Variants in RFTN1 observed in about 807,000 individuals in gnomAD.
RFTN1 encodes the protein raftlin.
Under a neutral mutation model 46.5 loss-of-function variants are expected in RFTN1, and 26 were observed. The observed-to-expected ratio is 0.56, with a 90% CI of 0.41 to 0.78. The LOEUF (loss-of-function observed/expected upper bound fraction) is 0.78. RFTN1 is among the 30% of genes least tolerant of loss of function. The pLI, the probability that RFTN1 is intolerant of heterozygous loss-of-function variation, is 0.00. For synonymous variants in RFTN1, 261 were observed against 284.2 expected, an observed-to-expected ratio of 0.92 and a Z score of 0.82; for missense variants, 693 against 718.7, an observed-to-expected ratio of 0.96 and a Z score of 0.41.
intron 4 of RFTN1, among the ~76,000 whole-genome samples, chr3:16,391,876 TTTTTTGTTTTTTTTTTTG>T (rs1485265661): frequency 0.024 from 631 of 25,820 alleles, 93 homozygotes; most frequent in Admixed American, 0.053. Flanking sequence ...TTTGTTTTTT[TTTTTTGTTTTTTTTTTTG>T]TTTTTTTTAC....
At chr3:16,319,378 A>C (rs571706141) in intron 9 of RFTN1, among the ~76,000 whole-genome samples, 1 of 152,122 alleles carries the variant, frequency 6.6e-6, no homozygotes, top group Non-Finnish European at 1.5e-5. Flanking sequence ...TAGTGCTGGC[A>C]CTCATTAGCT....
chr3:16,446,434 C>T lies in RFTN1; in HGVS notation c.146-12397G>A, dbSNP rs187488479. ...GGAAATCTTCATCGGCCTCATCTCTCGGTCCACGTCCAACAAGCAGAAGGG... is the reference window on the plus strand; with the variant it reads ...GGAAATCTTCATCGGCCTCATCTCTTGGTCCACGTCCAACAAGCAGAAGGG... On this transcript the variant is annotated intron_variant, in intron 2 of 9. Coordinates refer to ENST00000334133, the MANE Select transcript of RFTN1 (RefSeq NM_015150.2). The surrounding 1 kb of genome is among the most constrained non-coding windows in gnomAD (Gnocchi z 4.5). Among the ~76,000 whole-genome samples the T allele has an allele frequency of 1.5e-4, 23 of 152,156 alleles. No individual in the cohort carries two copies. The highest frequency in any genetic ancestry group is 4.3e-4 in the African/African-American group (18 of 41,524).
At position 16,470,638 on chromosome 3, in the gene RFTN1, C is replaced by T. The variant is rs535713496; in HGVS notation, c.145+23087G>A. On this transcript the variant is annotated intron_variant, in intron 2 of 9. Coordinates refer to ENST00000334133, the MANE Select transcript of RFTN1 (RefSeq NM_015150.2). ...TGCACGAGGTACTCCCTAAGCAACC[C>T]AGCTAAGGCTAAAAGAACAAATTTC... Among the ~76,000 whole-genome samples the T allele has an allele frequency of 6.6e-5, 10 of 152,196 alleles. 1 individual carries two copies. The highest frequency in any genetic ancestry group is 6.5e-4 in the Admixed American group (10 of 15,282).
At chr3:16,406,953 AAAGTT>A (rs770947557) in intron 4 of RFTN1, among the ~76,000 whole-genome samples, 3 of 152,228 alleles carry the variant, frequency 2.0e-5, no homozygotes, top group Non-Finnish European at 4.4e-5. Context: ...TGCTGGCATA[AAAGTT>A]AAGATAAAAA....
Position 16,337,352 on chromosome 3 carries a change from CA to C in RFTN1, c.1147-10477del, listed in dbSNP as rs1422070323. 6.6e-6 allele frequency: 1 copy of C among 152,206 alleles called. No individual in the cohort carries two copies. Among genetic ancestry groups the C allele is most frequent in the Non-Finnish European group, 1.5e-5 (1 of 68,046 alleles). The allele number at this position is 152,206 out of a possible 1,614,324, so 9.4% of individuals were successfully genotyped here. A position where few individuals can be genotyped will look rare whatever the true frequency, so the allele number is the denominator to read the frequency against. On this transcript the variant is annotated intron_variant, in intron 7 of 9. Coordinates refer to ENST00000334133, the MANE Select transcript of RFTN1 (RefSeq NM_015150.2). The surrounding 1 kb of genome is among the most constrained non-coding windows in gnomAD (Gnocchi z 5.0). Reference sequence around the variant, plus strand: ...CACTAAGCTTTGGGGAGCTTTATTACACAGCAGAAGCTAACTGGTGTATTAC... The same window carrying C: ...CACTAAGCTTTGGGGAGCTTTATTACCAGCAGAAGCTAACTGGTGTATTAC...
chr3:16,501,870 C>T (rs1428867399), intron 1 of RFTN1, among the ~76,000 whole-genome samples: 9 of 152,138 alleles, frequency 5.9e-5, no homozygotes, highest in East Asian at 1.9e-4. Context: ...AAAATGTACC[C>T]GTCGAAAGTG....
chr3:16,486,439 T>C (rs1194871929), intron 2 of RFTN1, among the ~76,000 whole-genome samples: 9 of 152,160 alleles, frequency 5.9e-5, no homozygotes, highest in Non-Finnish European at 1.2e-4. Context: ...CCAAAGAACA[T>C]GCTCCAACCA....
Position 16,346,720 on chromosome 3 carries a change from A to G in RFTN1, c.1146+11212T>C, listed in dbSNP as rs2071745952. On this transcript the variant is annotated intron_variant, in intron 7 of 9. Coordinates refer to ENST00000334133, the MANE Select transcript of RFTN1 (RefSeq NM_015150.2). This position sits in a 1 kb window ranked among gnomAD's most constrained non-coding sequence, Gnocchi z 4.4. ...TGGGAAAGCTTTTACTTGCTAATAA[A>G]AAGGGACGTGTGGCAGGAAAAAACT... Among the ~76,000 whole-genome samples the G allele has an allele frequency of 6.6e-6, 1 of 152,216 alleles. No individual in the cohort carries two copies. The highest frequency in any genetic ancestry group is 2.4e-5 in the African/African-American group (1 of 41,456).
At chr3:16,331,630 C>G (rs1224532159) in intron 7 of RFTN1, among the ~76,000 whole-genome samples, 3 of 152,212 alleles carry the variant, frequency 2.0e-5, no homozygotes, top group Non-Finnish European at 2.9e-5. Context: ...ATAAATATTC[C>G]AAGATCCTAA....
rs2076224986 is a variant in RFTN1 at position 16,473,124 on chromosome 3, A to G, written c.145+20601T>C. 6.6e-6 allele frequency among the ~76,000 whole-genome samples: 1 copy of G among 152,236 alleles called. No individual in the cohort carries two copies. The highest frequency in any genetic ancestry group is 2.4e-5 in the African/African-American group (1 of 41,456). On this transcript the variant is annotated intron_variant, in intron 2 of 9. Transcript: ENST00000334133. The surrounding 1 kb of genome is among the most constrained non-coding windows in gnomAD (Gnocchi z 5.3). ...GACTTTGGACAACCATGGTGTACAC[A>G]CACGTACACACATACACAAACAGTA...
At chr3:16,395,701 T>C (rs555076853) in intron 4 of RFTN1, among the ~76,000 whole-genome samples, 6 of 152,292 alleles carry the variant, frequency 3.9e-5, no homozygotes, top group African/African-American at 1.4e-4. Flanking sequence ...CTCCTGCCTC[T>C]AATTTTAATT....
chr3:16,491,158 G>A (rs1214868816), intron 2 of RFTN1, among the ~76,000 whole-genome samples: 1 of 152,122 alleles, frequency 6.6e-6, no homozygotes, highest in Non-Finnish European at 1.5e-5. Context: ...TGGGGAGAAG[G>A]TAGAAATTTT....
rs2076079586 is a variant in RFTN1, at chr3:16,465,718, C to T, written c.145+28007G>A. Among the ~76,000 whole-genome samples the T allele has an allele frequency of 6.6e-6, 1 of 152,180 alleles. No homozygotes were observed. Among genetic ancestry groups the T allele is most frequent in the Non-Finnish European group, 1.5e-5 (1 of 68,028 alleles). On this transcript the variant is annotated intron_variant, in intron 2 of 9. Transcript: ENST00000334133. The surrounding 1 kb of genome is among the most constrained non-coding windows in gnomAD (Gnocchi z 5.1). ...CACCAAAAAGACCTGCTGGGGACAG[C>T]TAATCTTTTTCTTTTCACTATACCT...
Position 16,436,089 on chromosome 3 carries a change from T to A in RFTN1, c.146-2052A>T, listed in dbSNP as rs1046353525. Among the ~76,000 whole-genome samples the A allele has an allele frequency of 4.6e-5, 7 of 151,604 alleles. No individual in the cohort carries two copies. The South Asian group carries it at 6.2e-4, about 14-fold the overall frequency. The stretch of plus-strand genomic sequence containing the variant: ...ACAATTCTCAGTGGAAAAAAAAAGA[T>A]CCCTGTGACATGGTAACTTATATTT... On this transcript the variant is annotated intron_variant, in intron 2 of 9. Coordinates refer to ENST00000334133, the MANE Select transcript of RFTN1 (RefSeq NM_015150.2).
chr3:16,440,278 C>T lies in RFTN1; in HGVS notation c.146-6241G>A, dbSNP rs557429127. The stretch of plus-strand genomic sequence containing the variant: ...CTCCCACACTGCCACAATCTTGGCT[C>T]ACTGAAACCTCCGCCTTCTGGACTC... On this transcript the variant is annotated intron_variant, in intron 2 of 9. Coordinates refer to ENST00000334133, the MANE Select transcript of RFTN1 (RefSeq NM_015150.2). The surrounding 1 kb of genome is among the most constrained non-coding windows in gnomAD (Gnocchi z 4.6). 4.7e-3 allele frequency among the ~76,000 whole-genome samples: 719 copies of T among 152,334 alleles called. 1 individual carries two copies. The highest frequency in any genetic ancestry group is 7.8e-3 in the Non-Finnish European group (532 of 68,026).
rs2076867741 is a variant in RFTN1, at chr3:16,509,797, G to A, written c.-9+3645C>T. Among the ~76,000 whole-genome samples the A allele has an allele frequency of 6.6e-6, 1 of 152,136 alleles. No individual in the cohort carries two copies. Among genetic ancestry groups the A allele is most frequent in the Non-Finnish European group, 1.5e-5 (1 of 68,026 alleles). On this transcript the variant is annotated intron_variant, in intron 1 of 9. Transcript: ENST00000334133. The surrounding 1 kb of genome is among the most constrained non-coding windows in gnomAD (Gnocchi z 4.9). ...CGAGTCACGAAATCACTCAGCCAAT[G>A]TTTACTGTGTCCCTACCCTCTGGCA...
At position 16,489,125 on chromosome 3, in the gene RFTN1, T is replaced by C. The variant is rs2076499635; in HGVS notation, c.145+4600A>G. 6.6e-6 allele frequency among the ~76,000 whole-genome samples: 1 copy of C among 152,006 alleles called. No individual in the cohort carries two copies. The highest frequency in any genetic ancestry group is 1.5e-5 in the Non-Finnish European group (1 of 67,956). On this transcript the variant is annotated intron_variant, in intron 2 of 9. Coordinates refer to ENST00000334133, the MANE Select transcript of RFTN1 (RefSeq NM_015150.2). The surrounding 1 kb of genome is among the most constrained non-coding windows in gnomAD (Gnocchi z 4.0). ...TTATATAACATCCTGGGAAATAAAA[T>C]CAGTGATGGAGGCCGGGTGAGGTGG...
Position 16,460,767 on chromosome 3 carries a change from G to C in RFTN1, c.146-26730C>G, listed in dbSNP as rs1432948173. On this transcript the variant is annotated intron_variant, in intron 2 of 9. Transcript: ENST00000334133. This position sits in a 1 kb window ranked among gnomAD's most constrained non-coding sequence, Gnocchi z 4.8. ...TCAGGATTTAAGGTCTAAAACCATA[G>C]AGAATATTTTAGAGCTAGATGGTTC... Among the ~76,000 whole-genome samples, 1 of 152,118 alleles carries C rather than the reference G, an allele frequency of 6.6e-6. No individual in the cohort carries two copies. The highest frequency in any genetic ancestry group is 1.5e-5 in the Non-Finnish European group (1 of 68,028).
chr3:16,343,183 A>G (rs1229531087), intron 7 of RFTN1, among the ~76,000 whole-genome samples: 1 of 152,164 alleles, frequency 6.6e-6, no homozygotes, highest in Non-Finnish European at 1.5e-5. Context: ...TCTGAGGACT[A>G]GCAAGGTTTG....
Sources: gnomAD v4.1 joint callset for allele counts (sites outside exome capture counted in the v4.1 genomes callset) on GRCh38, gnomAD v4.1.1 for gene constraint, Gnocchi (gnomAD v3.1) non-coding constraint, MANE v1.5 for transcripts, NCBI Gene and HGNC (gene_info 2026-07-23, HGNC 2026-07-21) for gene names.